Variants in FRY observed in about 807,000 individuals in gnomAD.
FRY encodes the protein FRY microtubule binding protein, also known as protein furry homolog.
Under a neutral mutation model 348.4 loss-of-function variants are expected in FRY, and 128 were observed. The ratio of observed to expected loss-of-function variants is 0.37; its 90% CI spans 0.32 to 0.43. The LOEUF (loss-of-function observed/expected upper bound fraction) is 0.43, where lower values mean the gene tolerates loss of function less well. FRY is among the 20% of genes least tolerant of loss of function. FRY has a pLI of 1.00. For missense variants in FRY, 2,736 were observed against 3,695.2 expected, an observed-to-expected ratio of 0.74 and a Z score of 6.73; for synonymous variants, 1,370 against 1,374.7, an observed-to-expected ratio of 1.00 and a Z score of 0.08.
intron 1 of FRY, among the ~76,000 whole-genome samples, chr13:32,044,995 T>C (rs867106166): frequency 2.0e-5 from 3 of 152,214 alleles, no homozygotes; most frequent in South Asian, 2.1e-4. Context: ...ATTGTGTATA[T>C]GTGGGTAAGA....
At chr13:32,096,142 A>G (rs760457335) in intron 2 of FRY, among the ~76,000 whole-genome samples, 5 of 150,024 alleles carry the variant, frequency 3.3e-5, no homozygotes, top group African/African-American at 7.4e-5. Context: ...TTTAGCTACT[A>G]TGGTATTCTG....
intron 3 of FRY, among the ~76,000 whole-genome samples, chr13:32,111,290 C>A (rs1195772596): frequency 6.6e-6 from 1 of 151,978 alleles, no homozygotes; most frequent in African/African-American, 2.4e-5. Flanking sequence ...AAGTTTGAGA[C>A]CAGCCTGACC....
chr13:32,183,550 G>C (rs1882837342), intron 24 of FRY, among the ~76,000 whole-genome samples: 1 of 152,180 alleles, frequency 6.6e-6, no homozygotes, highest in African/African-American at 2.4e-5. Context: ...GGCCAAAGCG[G>C]GCAGATCAAG....
chr13:32,251,762 A>G (rs1253097147), intron 49 of FRY, 116 bp from the exon 50 acceptor site: 2 of 745,072 alleles, frequency 2.7e-6, no homozygotes, highest in Non-Finnish European at 5.0e-6. Flanking sequence ...TGTATTTTAC[A>G]TTTCATTCTG....
In FRY at chr13:32,294,573, G is replaced by A. The variant is rs1449830334; in HGVS notation, c.8783+3G>A. The A allele has an allele frequency of 1.2e-6, 2 of 1,610,542 alleles. No individual in the cohort carries two copies. The highest frequency in any genetic ancestry group is 1.7e-6 in the Non-Finnish European group (2 of 1,176,778). The stretch of plus-strand genomic sequence containing the variant: ...TTGCGGCAGATCAGGGAGTGCAGGT[G>A]ACTCTGCTATTTCTTTTAGAGGTGG... On this transcript the variant is annotated splice_donor_region_variant and intron_variant, in intron 60 of 60. Transcript: ENST00000542859.
chr13:32,173,538 G>C lies in FRY; in HGVS notation c.2323G>C (p.Gly775Arg). ...AATTCGAGCGTTGTTTATTGCCCTGGGGCAGCCTGAGGTATGGATTAGTCT... is the reference window on the plus strand; with the variant it reads ...AATTCGAGCGTTGTTTATTGCCCTGCGGCAGCCTGAGGTATGGATTAGTCT... ...KEIRALFIAL[G>R]QPEDDDRPMI... The change falls in exon 19 of 61, where the codon GGG becomes CGG. Residue 775 changes from glycine to arginine, a missense_variant. Physicochemically the swap from Gly to Arg is moderately radical, Grantham distance 125 (BLOSUM62 -2). This residue lies in a region of FRY where 449 missense variants were observed against 576.9 expected (regional missense o/e 0.78). Transcript: ENST00000542859. 1 of 1,612,878 alleles carries C rather than the reference G, an allele frequency of 6.2e-7. No homozygotes were observed. Among genetic ancestry groups the C allele is most frequent in the Non-Finnish European group, 8.5e-7 (1 of 1,179,296 alleles).
intron 1 of FRY, among the ~76,000 whole-genome samples, chr13:32,034,083 T>G (rs929408005): frequency 6.6e-6 from 1 of 152,126 alleles, no homozygotes; most frequent in Non-Finnish European, 1.5e-5. Context: ...GCCTCACAAG[T>G]TTGAGAGGTG....
In FRY at chr13:32,228,540, G is replaced by C; in HGVS notation, c.5291G>C (p.Ser1764Thr). 2 of 1,613,858 alleles carry C rather than the reference G, an allele frequency of 1.2e-6. No homozygotes were observed. The highest frequency in any genetic ancestry group is 1.7e-6 in the Non-Finnish European group (2 of 1,179,814). ...LSSSSTSSSI[S>T]LGGSSGNLPQ... Reference sequence around the variant, plus strand: ...TCAAGCTCCACCTCCTCTAGCATCAGTCTGGGAGGCAGCAGTGGAAACCTC... The same window carrying C: ...TCAAGCTCCACCTCCTCTAGCATCACTCTGGGAGGCAGCAGTGGAAACCTC... The change falls in exon 40 of 61, where the codon AGT becomes ACT. Residue 1764 changes from serine to threonine, a missense_variant. Ser to Thr is a moderately conservative substitution (Grantham distance 58). Coordinates refer to ENST00000542859, the MANE Select transcript of FRY (RefSeq NM_023037.3).
intron 4 of FRY, among the ~76,000 whole-genome samples, chr13:32,122,951 TA>T (rs1482647265): frequency 3.0e-5 from 1 of 33,852 alleles, no homozygotes; most frequent in Non-Finnish European, 8.6e-5. Flanking sequence ...CTGCAAAAAA[TA>T]AAATAAAATA....
intron 25 of FRY, 23 bp downstream of exon 25, chr13:32,184,714 T>A (rs1182831887): frequency 7.5e-7 from 1 of 1,326,914 alleles, no homozygotes; most frequent in South Asian, 1.2e-5. Context: ...TTCTACCGAG[T>A]TGCTCTCTTC....
chr13:32,186,548 A>G, intron 27 of FRY, 128 bp downstream of exon 27: 2 of 710,180 alleles, frequency 2.8e-6, no homozygotes, highest in South Asian at 1.6e-5. Context: ...CTAAGCGCAC[A>G]TACAAAAAAA....
intron 23 of FRY, among the ~76,000 whole-genome samples, chr13:32,181,448 G>A (rs1659207057): frequency 6.6e-6 from 1 of 151,162 alleles, no homozygotes; most frequent in Admixed American, 6.6e-5. Flanking sequence ...ACAAAAATTA[G>A]CCAGGCGTGA....
At chr13:32,178,587 T>A (rs938732689) in intron 21 of FRY, 151 bp downstream of exon 21, 7 of 966,126 alleles carry the variant, frequency 7.2e-6, no homozygotes, top group African/African-American at 4.9e-5. Context: ...ATTAAAAAAA[T>A]TTTGTCTAAA....
At chr13:32,094,073 A>T (rs1272939247) in intron 2 of FRY, among the ~76,000 whole-genome samples, 1 of 152,072 alleles carries the variant, frequency 6.6e-6, no homozygotes, top group Non-Finnish European at 1.5e-5. Flanking sequence ...TTCTGTGCTA[A>T]TTTTGCTTTA....
chr13:32,205,528 G>A (rs1014548807), intron 31 of FRY, among the ~76,000 whole-genome samples: 3 of 152,162 alleles, frequency 2.0e-5, no homozygotes, highest in Admixed American at 6.5e-5. Context: ...GTAACATAAC[G>A]TGCAGGAACA....
At chr13:32,115,303 T>C (rs1325036183) in intron 3 of FRY, among the ~76,000 whole-genome samples, 1 of 152,178 alleles carries the variant, frequency 6.6e-6, no homozygotes. Context: ...AGAAATATTG[T>C]GAGTTAACTA....
rs1882912518 is a variant in FRY, at chr13:32,184,621, C to T, written c.3076C>T (p.Arg1026Ter). ...ACAGAACAAGAAACGCCGAGAACGG[C>T]GAGACTTGTTAAGGCTACAACTACT... is the stretch of plus-strand genomic sequence containing the variant. ...RPENKKRRER[R>*]DLLRLQLLRI... The change falls in exon 25 of 61, where the codon CGA becomes TGA. Residue 1026 changes from arginine to a stop codon, truncating the protein, a stop_gained. Transcript: ENST00000542859. LOFTEE classifies it high-confidence loss of function. 1.2e-6 allele frequency: 2 copies of T among 1,612,910 alleles called. No individual in the cohort carries two copies. The highest frequency in any genetic ancestry group is 1.7e-6 in the Non-Finnish European group (2 of 1,178,846).
At chr13:32,096,918 A>G (rs1404357707) in intron 2 of FRY, among the ~76,000 whole-genome samples, 1 of 149,646 alleles carries the variant, frequency 6.7e-6, no homozygotes, top group East Asian at 1.9e-4. Flanking sequence ...TAGCTAATGG[A>G]CTTGACTTTT....
chr13:32,278,118 A>G (rs1231878595), intron 57 of FRY, among the ~76,000 whole-genome samples: 1 of 152,182 alleles, frequency 6.6e-6, no homozygotes, highest in Non-Finnish European at 1.5e-5. Flanking sequence ...GTGAGGAAGT[A>G]TTGGTCCTGT....
Sources: allele counts gnomAD v4.1 joint callset (sites outside exome capture counted in the v4.1 genomes callset), GRCh38; gene constraint gnomAD v4.1.1; regional missense constraint gnomAD v4.1.1; transcripts MANE v1.5; gene names NCBI Gene and HGNC (gene_info 2026-07-23, HGNC 2026-07-21).